The following ADAMTS12 variants were observed in gnomAD, a reference collection of about 807,000 sequenced individuals.
ADAMTS12 encodes ADAM metallopeptidase with thrombospondin type 1 motif 12.
ADAMTS12 carries 118 observed loss-of-function variants against 167.8 expected under a neutral mutation model. The ratio of observed to expected loss-of-function variants is 0.70; its 90% CI spans 0.61 to 0.82. ADAMTS12 has a LOEUF of 0.82. Among genes scored for constraint, ADAMTS12 ranks in the 40% least tolerant of loss-of-function variants. ADAMTS12 has a pLI of 0.00. For synonymous variants in ADAMTS12, 704 were observed against 716.9 expected (o/e 0.98, Z 0.29); for missense variants, 1,916 against 1,998.8 (o/e 0.96, Z 0.79).
intron 3 of ADAMTS12, among the ~76,000 whole-genome samples, chr5:33,727,010 C>A (rs905390688): frequency 6.6e-6 from 1 of 152,126 alleles, no homozygotes; most frequent in African/African-American, 2.4e-5. Flanking sequence ...CTGGGTGAAT[C>A]AAATCTCTAG....
intron 2 of ADAMTS12, among the ~76,000 whole-genome samples, chr5:33,799,891 C>A (rs2112470477): frequency 6.6e-6 from 1 of 152,264 alleles, no homozygotes; most frequent in Non-Finnish European, 1.5e-5. Flanking sequence ...CAGATAAGGG[C>A]AACTGAGACA....
chr5:33,841,562 T>C (rs1321498306), intron 2 of ADAMTS12, among the ~76,000 whole-genome samples: 1 of 152,240 alleles, frequency 6.6e-6, no homozygotes, highest in Non-Finnish European at 1.5e-5. Flanking sequence ...TGCCTAGTGT[T>C]CCATTATTGG....
chr5:33,844,597 A>T (rs2111612219), intron 2 of ADAMTS12, among the ~76,000 whole-genome samples: 1 of 152,300 alleles, frequency 6.6e-6, no homozygotes, highest in South Asian at 2.1e-4. Context: ...ATAAGATGTT[A>T]TCAATGACAA....
At chr5:33,889,936 A>C (rs1208342699) in intron 1 of ADAMTS12, among the ~76,000 whole-genome samples, 1 of 152,202 alleles carries the variant, frequency 6.6e-6, no homozygotes, top group Non-Finnish European at 1.5e-5. Flanking sequence ...TGAGAGACAG[A>C]GCAAGACTCA....
At position 33,891,888 on chromosome 5, in the gene ADAMTS12, A is replaced by G. The variant is rs766577022; in HGVS notation, c.-32T>C. On this transcript the variant is annotated 5_prime_UTR_variant, in exon 1 of 24. Transcript: ENST00000504830. Reference sequence around the variant, plus strand: ...GATGTTGAGGAGAAGAAAAGTCAAAAAAGTTTTAGCCCTCAGCTCCAGAAA... The same window carrying G: ...GATGTTGAGGAGAAGAAAAGTCAAAGAAGTTTTAGCCCTCAGCTCCAGAAA... 2 of 1,605,574 alleles carry G rather than the reference A, an allele frequency of 1.2e-6. No homozygotes were observed. The highest frequency in any genetic ancestry group is 3.4e-5 in the Admixed American group (2 of 58,604).
chr5:33,587,188 T>C (rs577018857), intron 18 of ADAMTS12, among the ~76,000 whole-genome samples: 1 of 152,332 alleles, frequency 6.6e-6, no homozygotes, highest in East Asian at 1.9e-4. Flanking sequence ...TAAATGAGTG[T>C]TTTGCTTTCA....
At chr5:33,743,534 A>G (rs1022958317) in intron 3 of ADAMTS12, among the ~76,000 whole-genome samples, 3 of 152,024 alleles carry the variant, frequency 2.0e-5, no homozygotes, top group Non-Finnish European at 2.9e-5. Context: ...GCTCCTCTCT[A>G]CCCAAGAGCT....
chr5:33,579,546 C>CAA (rs11384335), intron 18 of ADAMTS12, among the ~76,000 whole-genome samples: 2 of 152,028 alleles, frequency 1.3e-5, no homozygotes, highest in Non-Finnish European at 2.9e-5. Context: ...TACACTTTTA[C>CAA]AAAAAAATTT....
At chr5:33,661,330 G>A (rs1023258787) in intron 6 of ADAMTS12, among the ~76,000 whole-genome samples, 4 of 152,164 alleles carry the variant, frequency 2.6e-5, no homozygotes, top group African/African-American at 9.7e-5. Flanking sequence ...TATGAGTCCT[G>A]GAAGGTTTGA....
chr5:33,889,170 G>C (rs7378990), intron 1 of ADAMTS12, among the ~76,000 whole-genome samples: 37,337 of 152,032 alleles, frequency 0.25, 5,435 homozygotes, highest in Middle Eastern at 0.4. Flanking sequence ...AAATGGGGGC[G>C]AGGCATGATG....
At chr5:33,540,443 T>C (rs1458118115) in intron 22 of ADAMTS12, among the ~76,000 whole-genome samples, 1 of 152,244 alleles carries the variant, frequency 6.6e-6, no homozygotes, top group African/African-American at 2.4e-5. Flanking sequence ...CTGACAGCTC[T>C]GAAGAGAGCA....
At chr5:33,744,899 C>T (rs1269042858) in intron 3 of ADAMTS12, among the ~76,000 whole-genome samples, 1 of 152,202 alleles carries the variant, frequency 6.6e-6, no homozygotes, top group Non-Finnish European at 1.5e-5. Flanking sequence ...ACTGCAGCCT[C>T]AATCTCCCAG....
intron 2 of ADAMTS12, among the ~76,000 whole-genome samples, chr5:33,802,445 G>T (rs945191722): frequency 1.3e-5 from 2 of 152,142 alleles, no homozygotes; most frequent in Non-Finnish European, 2.9e-5. Flanking sequence ...TAGTGGAGGT[G>T]GTGCTCATCA....
chr5:33,811,276 A>G (rs1434192933), intron 2 of ADAMTS12, among the ~76,000 whole-genome samples: 2 of 152,240 alleles, frequency 1.3e-5, no homozygotes, highest in African/African-American at 4.8e-5. Flanking sequence ...GGGAGTCTGT[A>G]TAAAGGGGAA....
At chr5:33,722,384 G>A (rs529088134) in intron 3 of ADAMTS12, among the ~76,000 whole-genome samples, 1 of 152,258 alleles carries the variant, frequency 6.6e-6, no homozygotes, top group South Asian at 2.1e-4. Flanking sequence ...ATTGTTCTAA[G>A]TGTTTTTACG....
intron 3 of ADAMTS12, among the ~76,000 whole-genome samples, chr5:33,711,906 C>T (rs949274710): frequency 6.6e-6 from 1 of 152,248 alleles, no homozygotes; most frequent in South Asian, 2.1e-4. Context: ...TACACTTGAG[C>T]TTGTAATTTT....
At chr5:33,642,177 A>G (rs780174790) in intron 10 of ADAMTS12, among the ~76,000 whole-genome samples, 1 of 152,226 alleles carries the variant, frequency 6.6e-6, no homozygotes, top group African/African-American at 2.4e-5. Context: ...TACGTTGCCT[A>G]ATCACACAGG....
chr5:33,780,926 T>C (rs559794113), intron 2 of ADAMTS12, among the ~76,000 whole-genome samples: 4 of 152,294 alleles, frequency 2.6e-5, no homozygotes, highest in Admixed American at 6.5e-5. Flanking sequence ...AGTGGTGGGA[T>C]GGCATAAGTT....
At chr5:33,690,459 T>C (rs932200819) in intron 3 of ADAMTS12, among the ~76,000 whole-genome samples, 1 of 137,024 alleles carries the variant, frequency 7.3e-6, no homozygotes, top group African/African-American at 2.7e-5. Context: ...TATAAGCACC[T>C]GAAAAAAAAA....
Sources: allele counts gnomAD v4.1 joint callset (sites outside exome capture counted in the v4.1 genomes callset), GRCh38; gene constraint gnomAD v4.1.1; transcripts MANE v1.5; gene names NCBI Gene and HGNC (gene_info 2026-07-23, HGNC 2026-07-21).